The following DMD variants were observed in gnomAD, a reference collection of about 807,000 sequenced individuals.
DMD encodes the protein mutant dystrophin.
In DMD, 63 loss-of-function variants were observed where a neutral mutation model predicts 330.1. The ratio of observed to expected loss-of-function variants is 0.19; its 90% confidence interval spans 0.16 to 0.24. DMD has a LOEUF of 0.24. DMD is among the 10% of genes least tolerant of loss of function. DMD has a pLI of 1.00. For synonymous variants in DMD, 1,223 were observed against 959.8 expected (o/e 1.27, Z -5.07); for missense variants, 3,344 against 2,684.1 (o/e 1.25, Z -5.43).
At chrX:32,577,361 T>C (rs73459785) in intron 13 of DMD, among the ~76,000 whole-genome samples, 1,364 of 112,425 alleles carry the variant, frequency 0.012, 18 homozygotes, top group African/African-American at 0.041. Flanking sequence ...CCATGTTATT[T>C]TTTAATGATA....
chrX:32,599,670 G>T (rs2055966479), intron 12 of DMD, among the ~76,000 whole-genome samples: 1 of 111,437 alleles, frequency 9.0e-6, no homozygotes, highest in South Asian at 3.7e-4. Flanking sequence ...TTAAAATATT[G>T]TAATATAATA....
intron 51 of DMD, among the ~76,000 whole-genome samples, chrX:31,755,886 T>C (rs1382359716): frequency 8.9e-6 from 1 of 111,762 alleles, no homozygotes; most frequent in Non-Finnish European, 1.9e-5. Flanking sequence ...CCTATTCACA[T>C]AATTATTTTT....
intron 43 of DMD, among the ~76,000 whole-genome samples, chrX:32,231,945 T>C (rs1211445603): frequency 1.8e-5 from 2 of 111,839 alleles, no homozygotes; most frequent in Non-Finnish European, 3.8e-5. Flanking sequence ...GAATTTACTA[T>C]ATATACACAC....
intron 44 of DMD, among the ~76,000 whole-genome samples, chrX:32,190,212 C>A (rs1299021704): frequency 1.8e-5 from 2 of 110,707 alleles, no homozygotes; most frequent in Non-Finnish European, 3.8e-5. Flanking sequence ...TGGCTCAAAA[C>A]GTCAGAGATT....
chrX:32,122,013 T>C (rs1329866123), intron 44 of DMD, among the ~76,000 whole-genome samples: 1 of 110,836 alleles, frequency 9.0e-6, no homozygotes, highest in African/African-American at 3.3e-5. Flanking sequence ...TTGCATTTGC[T>C]CTGTGACCCA....
intron 2 of DMD, among the ~76,000 whole-genome samples, chrX:33,002,313 G>A (rs73188384): frequency 0.055 from 6,131 of 110,548 alleles, 257 homozygotes; most frequent in South Asian, 0.15. Flanking sequence ...GGAATGAAGG[G>A]ATTTATTTAA....
At position 32,719,989 on chromosome X, in the gene DMD, C is replaced by T. The variant is rs780943814; in HGVS notation, c.650-20696G>A. On this transcript the variant is annotated intron_variant, in intron 7 of 78. Transcript: ENST00000357033. ...TCATTCATATATATATATATATATA[C>T]ACACACACACGTTTTAATATTAAAG... is the stretch of plus-strand genomic sequence containing the variant. Among the ~76,000 whole-genome samples, 7 of 106,608 alleles carry T rather than the reference C, an allele frequency of 6.6e-5. No homozygotes were observed. In the East Asian group the frequency reaches 9.6e-4, roughly 15 times the overall value. 92.6% of individuals were successfully genotyped at this position (106,608 alleles called of 115,157 possible).
chrX:32,185,001 C>T (rs1049652061), intron 44 of DMD, among the ~76,000 whole-genome samples: 1 of 110,060 alleles, frequency 9.1e-6, no homozygotes, highest in African/African-American at 3.3e-5. Context: ...TAAGAAATTT[C>T]GAATCATTAC....
At chrX:31,611,194 G>A (rs1386509463) in intron 55 of DMD, among the ~76,000 whole-genome samples, 1 of 109,237 alleles carries the variant, frequency 9.2e-6, no homozygotes, top group African/African-American at 3.3e-5. Flanking sequence ...CTTTACATAT[G>A]CAGATTCCAC....
intron 1 of DMD, among the ~76,000 whole-genome samples, chrX:33,148,402 T>G (rs765627368): frequency 5.3e-5 from 6 of 112,211 alleles, no homozygotes; most frequent in Non-Finnish European, 9.4e-5. Flanking sequence ...TCACAATGAT[T>G]TATTGCAGTA....
Position 33,152,160 on chromosome X carries a change from C to CTAT in DMD, c.31+59119_31+59121dup, listed in dbSNP as rs56954782. On this transcript the variant is annotated intron_variant, in intron 1 of 78. Transcript: ENST00000357033. ...AGATATTGTATAGTTATTAGCTTTA[C>CTAT]TATTATTATTATTATTATTATTATT... Among the ~76,000 whole-genome samples, 806 of 101,135 alleles carry CTAT rather than the reference C, an allele frequency of 8.0e-3. 9 individuals are homozygous for CTAT. Among genetic ancestry groups the CTAT allele is most frequent in the African/African-American group, 0.027 (748 of 27,763 alleles). 87.8% of individuals were successfully genotyped at this position (101,135 alleles called of 115,157 possible).
intron 60 of DMD, among the ~76,000 whole-genome samples, chrX:31,374,944 A>C (rs2059809645): frequency 1.8e-5 from 2 of 111,369 alleles, no homozygotes; most frequent in Admixed American, 1.9e-4. Context: ...CTGCTGCCTT[A>C]TTGGCTGCTG....
intron 44 of DMD, among the ~76,000 whole-genome samples, chrX:32,039,361 A>T (rs941998695): frequency 1.8e-5 from 2 of 111,690 alleles, no homozygotes; most frequent in African/African-American, 6.5e-5. Flanking sequence ...TTCAAATTAT[A>T]CAGCTATTTA....
At position 32,607,159 on chromosome X, in the gene DMD, T is replaced by A. The variant is rs150857091; in HGVS notation, c.1482+7144A>T. Reference sequence around the variant, plus strand: ...CTATTTTAAAACTTCTTCTAAGACATGCTTATTACTAGAGTTAAATGAGAC... The same window carrying A: ...CTATTTTAAAACTTCTTCTAAGACAAGCTTATTACTAGAGTTAAATGAGAC... On this transcript the variant is annotated intron_variant, in intron 12 of 78. Transcript: ENST00000357033. Among the ~76,000 whole-genome samples the A allele has an allele frequency of 7.3e-3, 807 of 110,323 alleles. 7 individuals are homozygous for A. Among genetic ancestry groups the A allele is most frequent in the African/African-American group, 0.025 (776 of 30,614 alleles).
At chrX:32,565,670 T>C in intron 16 of DMD, 32 bp downstream of exon 16, 1 of 1,190,210 alleles carries the variant, frequency 8.4e-7, no homozygotes. Context: ...ATCTCTGAGA[T>C]AGTCTGTAGC....
At chrX:32,714,617 T>C (rs2065504369) in intron 7 of DMD, among the ~76,000 whole-genome samples, 2 of 111,788 alleles carry the variant, frequency 1.8e-5, no homozygotes, top group South Asian at 7.5e-4. Context: ...CCAGTGAACA[T>C]GCGAGTGTGA....
At chrX:32,066,065 C>G (rs1397979990) in intron 44 of DMD, among the ~76,000 whole-genome samples, 1 of 111,345 alleles carries the variant, frequency 9.0e-6, no homozygotes, top group Non-Finnish European at 1.9e-5. Flanking sequence ...CTTGCCATGT[C>G]CCTCTTCACA....
chrX:31,722,777 G>A (rs754091881), intron 52 of DMD, among the ~76,000 whole-genome samples: 2 of 110,865 alleles, frequency 1.8e-5, no homozygotes, highest in South Asian at 7.8e-4. Context: ...TGGGCGCGGT[G>A]GCTCAGGTCT....
chrX:31,344,078 T>C (rs1321306303), intron 61 of DMD, among the ~76,000 whole-genome samples: 1 of 107,081 alleles, frequency 9.3e-6, no homozygotes, highest in Non-Finnish European at 1.9e-5. Flanking sequence ...CTTGACCTCT[T>C]GGGCTCAAGT....
Sources: allele counts gnomAD v4.1 joint callset (sites outside exome capture counted in the v4.1 genomes callset), GRCh38; gene constraint gnomAD v4.1.1; transcripts MANE v1.5; gene names NCBI Gene and HGNC (gene_info 2026-07-23, HGNC 2026-07-21).